Variants in GLRX3 observed in about 807,000 individuals in gnomAD.
GLRX3 encodes the protein glutaredoxin 3.
Under a neutral mutation model 49.5 loss-of-function variants are expected in GLRX3, and 22 were observed. The observed-to-expected ratio is 0.44, with a 90% confidence interval of 0.32 to 0.63. GLRX3 has a LOEUF of 0.63. Ranked by LOEUF, GLRX3 falls within the 30% of genes least tolerant of loss-of-function variation. The pLI, the probability that GLRX3 is intolerant of heterozygous loss-of-function variation, is 0.05. For missense variants in GLRX3, 385 were observed against 396.3 expected, an observed-to-expected ratio of 0.97 and a Z score of 0.24; for synonymous variants, 133 against 140.0, an observed-to-expected ratio of 0.95 and a Z score of 0.35.
intron 2 of GLRX3, chr10:130,159,753 G>T: frequency 4.1e-6 from 5 of 1,224,824 alleles, no homozygotes; most frequent in South Asian, 5.3e-5. Context: ...CAGCCTCCAG[G>T]CATCTTTTGA....
At chr10:130,160,094 A>G (rs779764398) in intron 3 of GLRX3, 25 bp downstream of exon 3, 16 of 1,429,388 alleles carry the variant, frequency 1.1e-5, no homozygotes, top group Non-Finnish European at 1.5e-5. Context: ...GGTACAAGAG[A>G]TTATCCATTT....
chr10:130,172,910 T>A (rs1348100244), intron 8 of GLRX3, among the ~76,000 whole-genome samples: 1 of 152,224 alleles, frequency 6.6e-6, no homozygotes, highest in Non-Finnish European at 1.5e-5. Flanking sequence ...GCCACTGCAC[T>A]CCAACCTGGG....
At chr10:130,180,230 C>T (rs532958348), downstream of GLRX3, 19 of 152,038 alleles carry the variant, frequency 1.2e-4, no homozygotes, top group Admixed American at 1.2e-3. Flanking sequence ...TAGCTGGGAC[C>T]ACAGGCGTGC....
Position 130,166,687 on chromosome 10 carries a change from T to C in GLRX3, c.651+8T>C. The C allele has an allele frequency of 1.3e-6, 2 of 1,563,134 alleles. No individual in the cohort carries two copies. The highest frequency in any genetic ancestry group is 1.8e-6 in the Non-Finnish European group (2 of 1,135,878). ...GGACTTGATATAATTAAGGTTAGAATTGAGAAGTCTGTGCTTTGTAAAGAA... is the reference window on the plus strand; with the variant it reads ...GGACTTGATATAATTAAGGTTAGAACTGAGAAGTCTGTGCTTTGTAAAGAA... On this transcript the variant is annotated splice_region_variant and intron_variant, in intron 5 of 10. Coordinates refer to ENST00000331244, the MANE Select transcript of GLRX3 (RefSeq NM_006541.5).
intron 1 of GLRX3, 38 bp from the exon 2 acceptor site, chr10:130,145,173 G>T: frequency 5.1e-6 from 4 of 779,714 alleles, no homozygotes; most frequent in East Asian, 2.6e-5. Context: ...TTCCAAAATT[G>T]GTATAATTTT....
intron 2 of GLRX3, among the ~76,000 whole-genome samples, chr10:130,151,859 T>G (rs1342932576): frequency 6.6e-6 from 1 of 152,210 alleles, no homozygotes; most frequent in Non-Finnish European, 1.5e-5. Context: ...TCTTCCTCCA[T>G]CCCTTTATTT....
chr10:130,152,044 G>A lies in GLRX3; in HGVS notation c.201+6725G>A, dbSNP rs150754621. On this transcript the variant is annotated intron_variant, in intron 2 of 10. Transcript: ENST00000331244. Reference sequence around the variant, plus strand: ...TGTGAATTTTTTTTTTTTTTGAGACGGAGTCTCACTCTATTGCCCAGGCTG... The same window carrying A: ...TGTGAATTTTTTTTTTTTTTGAGACAGAGTCTCACTCTATTGCCCAGGCTG... 9.5e-3 allele frequency among the ~76,000 whole-genome samples: 1,437 copies of A among 150,694 alleles called. 21 individuals carry two copies. The highest frequency in any genetic ancestry group is 0.033 in the African/African-American group (1,370 of 41,066).
chr10:130,158,584 C>T (rs983448715), intron 2 of GLRX3, among the ~76,000 whole-genome samples: 2 of 152,074 alleles, frequency 1.3e-5, no homozygotes, highest in Non-Finnish European at 2.9e-5. Flanking sequence ...GTAGTGGGCA[C>T]TCCATAGATG....
chr10:130,146,360 C>T lies in GLRX3; in HGVS notation c.201+1041C>T, dbSNP rs139202585. ...CTTGGTTTAGATGAAGGCAGACCTC[C>T]GGGAGAAGGTGAAAGTCTTTCTAAC... is the stretch of plus-strand genomic sequence containing the variant. On this transcript the variant is annotated intron_variant, in intron 2 of 10. Coordinates refer to ENST00000331244, the MANE Select transcript of GLRX3 (RefSeq NM_006541.5). 3.0e-3 allele frequency among the ~76,000 whole-genome samples: 460 copies of T among 152,270 alleles called. 3 individuals are homozygous for T. Among genetic ancestry groups the T allele is most frequent in the African/African-American group, 9.7e-3 (405 of 41,542 alleles).
At chr10:130,175,114 T>G (rs1280923624) in intron 10 of GLRX3, 25 bp downstream of exon 10, 1 of 1,256,158 alleles carries the variant, frequency 8.0e-7, no homozygotes, top group Non-Finnish European at 1.2e-6. Flanking sequence ...TCTGCTGTTC[T>G]AAAGAACGGA....
chr10:130,175,494 G>A (rs928051119), intron 10 of GLRX3, among the ~76,000 whole-genome samples: 1 of 152,212 alleles, frequency 6.6e-6, no homozygotes, highest in Non-Finnish European at 1.5e-5. Flanking sequence ...CAGAGGCTGA[G>A]GATCACTGCC....
intron 2 of GLRX3, among the ~76,000 whole-genome samples, chr10:130,154,853 G>T (rs1862444628): frequency 6.6e-6 from 1 of 152,190 alleles, no homozygotes; most frequent in African/African-American, 2.4e-5. Context: ...TGTTATCAAG[G>T]TAATTTTAGG....
chr10:130,159,678 A>G (rs1862538424), intron 2 of GLRX3: 1 of 336,568 alleles, frequency 3.0e-6, no homozygotes, highest in Non-Finnish European at 4.7e-6. Flanking sequence ...ATGGATTTCA[A>G]TATAGTAGTA....
chr10:130,169,430 T>C lies in GLRX3; in HGVS notation c.714-3T>C, dbSNP rs767856512. 1 of 1,604,088 alleles carries C rather than the reference T, an allele frequency of 6.2e-7. No homozygotes were observed. Among genetic ancestry groups the C allele is most frequent in the Non-Finnish European group, 8.5e-7 (1 of 1,170,816 alleles). Reference sequence around the variant, plus strand: ...CCGTTTTATATCAATTTTCTCTCTTTAGGCTCAAAGTGCTGACAAATAAAG... The same window carrying C: ...CCGTTTTATATCAATTTTCTCTCTTCAGGCTCAAAGTGCTGACAAATAAAG... On this transcript the variant is annotated splice_polypyrimidine_tract_variant and splice_region_variant and intron_variant, in intron 6 of 10. Coordinates refer to ENST00000331244, the MANE Select transcript of GLRX3 (RefSeq NM_006541.5).
intron 1 of GLRX3, among the ~76,000 whole-genome samples, chr10:130,136,837 G>C (rs1416188011): frequency 1.3e-5 from 2 of 152,116 alleles, no homozygotes; most frequent in Non-Finnish European, 2.9e-5. Flanking sequence ...GCCCCGCCGC[G>C]GGACGGAGGC....
chr10:130,146,558 A>T (rs765409751), intron 2 of GLRX3, among the ~76,000 whole-genome samples: 9 of 152,168 alleles, frequency 5.9e-5, no homozygotes, highest in Non-Finnish European at 1.2e-4. Flanking sequence ...CACGTTAAAG[A>T]TATTATTCAG....
chr10:130,142,069 A>G (rs928834704), intron 1 of GLRX3, among the ~76,000 whole-genome samples: 8 of 152,148 alleles, frequency 5.3e-5, no homozygotes, highest in Non-Finnish European at 1.0e-4. Flanking sequence ...CTACTCAACC[A>G]TTGAAGCTGC....
intron 10 of GLRX3, 26 bp from the exon 11 acceptor site, chr10:130,179,316 T>C: frequency 9.4e-7 from 1 of 1,059,024 alleles, no homozygotes; most frequent in Non-Finnish European, 1.5e-6. Context: ...CATATACATA[T>C]TATTATTGTT....
Position 130,136,430 on chromosome 10 carries a change from G to T in GLRX3, c.10G>T (p.Gly4Trp). 8.0e-7 allele frequency: 1 copy of T among 1,255,622 alleles called. No individual in the cohort carries two copies. Among genetic ancestry groups the T allele is most frequent in the Non-Finnish European group, 1.0e-6 (1 of 993,914 alleles). 77.8% of individuals were successfully genotyped at this position (1,255,622 alleles called of 1,614,324 possible). MAAGAAEAAVAAVE... is the reference protein window; with the variant it reads MAAWAAEAAVAAVE... ...GTCTGGCGGCGGCAGCATGGCGGCG[G>T]GGGCGGCTGAGGCAGCTGTAGCGGC... Residue 4 changes from glycine to tryptophan, a missense_variant, in exon 1 of 11, where the codon GGG (glycine) becomes TGG (tryptophan). By Grantham distance (184) the Gly-to-Trp change is radical. Around this residue, in one of 2 missense-constraint regions of GLRX3, gnomAD observed 374 missense variants for 358.6 expected, o/e 1.04. Coordinates refer to ENST00000331244, the MANE Select transcript of GLRX3 (RefSeq NM_006541.5).
Sources: gnomAD v4.1 joint callset for allele counts (sites outside exome capture counted in the v4.1 genomes callset) on GRCh38, gnomAD v4.1.1 for gene constraint, gnomAD v4.1.1 regional missense constraint, MANE v1.5 for transcripts, NCBI Gene and HGNC (gene_info 2026-07-23, HGNC 2026-07-21) for gene names.